The following CDC45 variants were observed in gnomAD, a reference collection of about 807,000 sequenced individuals.
CDC45 encodes cell division cycle 45.
In CDC45, 54 loss-of-function variants were observed where a neutral mutation model predicts 77.8. The ratio of observed to expected loss-of-function variants is 0.69; its 90% CI spans 0.56 to 0.87. The LOEUF is 0.87. CDC45 is among the 40% of genes least tolerant of loss of function. The pLI is 0.00. For missense variants in CDC45, 649 were observed against 721.6 expected, an observed-to-expected ratio of 0.90 and a Z score of 1.15; for synonymous variants, 260 against 272.1, an observed-to-expected ratio of 0.96 and a Z score of 0.44.
At chr22:19,516,248 G>A (rs763377970) in intron 15 of CDC45, among the ~76,000 whole-genome samples, 1 of 152,096 alleles carries the variant, frequency 6.6e-6, no homozygotes, top group Non-Finnish European at 1.5e-5. Context: ...GTGGGGCTAG[G>A]CTGGTAGACA....
intron 5 of CDC45, among the ~76,000 whole-genome samples, chr22:19,485,256 A>C (rs1380355996): frequency 1.3e-5 from 2 of 152,232 alleles, no homozygotes; most frequent in Non-Finnish European, 2.9e-5. Flanking sequence ...CACTCTGACT[A>C]ATAAACAAAT....
At chr22:19,514,313 G>A (rs1933664406) in intron 13 of CDC45, among the ~76,000 whole-genome samples, 1 of 152,208 alleles carries the variant, frequency 6.6e-6, no homozygotes, top group Admixed American at 6.5e-5. Context: ...AGGGCCCAGA[G>A]GCTTTGCTTG....
Position 19,520,475 on chromosome 22 carries a change from T to G in CDC45, c.*2-6T>G, listed in dbSNP as rs1934048958. On this transcript the variant is annotated splice_polypyrimidine_tract_variant and splice_region_variant and intron_variant, in intron 18 of 18. Transcript: ENST00000263201. This position sits in a 1 kb window ranked among gnomAD's most constrained non-coding sequence, Gnocchi z 4.5. The stretch of plus-strand genomic sequence containing the variant: ...GAAACTTGTTTTTTCTTGTTTTGTT[T>G]TCTAGAATTTGATTCTTCCAGAATG... 6.6e-6 allele frequency: 1 copy of G among 152,260 alleles called. No homozygotes were observed. The highest frequency in any genetic ancestry group is 2.4e-5 in the African/African-American group (1 of 41,466). The allele number at this position is 152,260 out of a possible 1,614,324, so 9.4% of individuals were successfully genotyped here.
At chr22:19,491,227 A>G (rs2146356569) in intron 5 of CDC45, among the ~76,000 whole-genome samples, 1 of 152,312 alleles carries the variant, frequency 6.6e-6, no homozygotes, top group Admixed American at 6.5e-5. Context: ...TTCAGTAATT[A>G]AGCATAATTA....
rs931875899 is a variant in CDC45 at position 19,520,246 on chromosome 22, C to T, written c.*2-235C>T. Among the ~76,000 whole-genome samples, 10 of 151,976 alleles carry T rather than the reference C, an allele frequency of 6.6e-5. No homozygotes were observed. The highest frequency in any genetic ancestry group is 2.1e-4 in the South Asian group (1 of 4,814). On this transcript the variant is annotated intron_variant, in intron 18 of 18. Transcript: ENST00000263201. This position sits in a 1 kb window ranked among gnomAD's most constrained non-coding sequence, Gnocchi z 4.5. Reference sequence around the variant, plus strand: ...GCTGGCTGAGCAGCTGGGCGGGGTCCGTGAGGTAAGAAGGTGCCCGGGCCA... The same window carrying T: ...GCTGGCTGAGCAGCTGGGCGGGGTCTGTGAGGTAAGAAGGTGCCCGGGCCA...
At chr22:19,514,402 C>T (rs1179196173) in intron 13 of CDC45, among the ~76,000 whole-genome samples, 1 of 152,136 alleles carries the variant, frequency 6.6e-6, no homozygotes, top group Non-Finnish European at 1.5e-5. Context: ...GAGTAAAAAT[C>T]TATCTGTTGG....
Position 19,508,557 on chromosome 22 carries a change from C to T in CDC45, c.1083C>T (p.Phe361=), listed in dbSNP as rs148464781. The change falls in exon 13 of 19, where the codon TTC becomes TTT. Residue 361 remains phenylalanine, a synonymous_variant. Transcript: ENST00000263201. ...TGAAGGACATGCGCGTGCAGACTTT[C>T]AGCATTCATTTTGGGTTCAAGCACA... ...FGMKDMRVQT[F]SIHFGFKHKF... 9.1e-5 allele frequency: 147 copies of T among 1,614,112 alleles called. No individual in the cohort carries two copies. Among genetic ancestry groups the T allele is most frequent in the Non-Finnish European group, 7.6e-6 (9 of 1,180,056 alleles).
At chr22:19,515,357 G>A (rs1382220077) in intron 15 of CDC45, among the ~76,000 whole-genome samples, 1 of 152,194 alleles carries the variant, frequency 6.6e-6, no homozygotes, top group Admixed American at 6.5e-5. Context: ...GATGGTTGTA[G>A]CACCGACTGG....
At chr22:19,516,953 G>A in intron 17 of CDC45, 60 bp downstream of exon 17, 1 of 1,395,456 alleles carries the variant, frequency 7.2e-7, no homozygotes, top group African/African-American at 1.4e-5. Context: ...GCTATTGCAG[G>A]CCCTGGAACC....
At chr22:19,499,176 C>A in intron 9 of CDC45, 25 bp downstream of exon 9, 1 of 1,612,560 alleles carries the variant, frequency 6.2e-7, no homozygotes, top group Non-Finnish European at 8.5e-7. Context: ...CCTTGCCTTG[C>A]AGGGTCAGCC....
At chr22:19,485,193 A>G (rs2090047189) in intron 5 of CDC45, among the ~76,000 whole-genome samples, 1 of 152,190 alleles carries the variant, frequency 6.6e-6, no homozygotes, top group South Asian at 2.1e-4. Context: ...GTCAGTATCC[A>G]ATGGGATTTC....
Position 19,494,551 on chromosome 22 carries a change from C to T in CDC45, c.542+169C>T, listed in dbSNP as rs2090208707. ...GTGGCCGCTGCATTGGAGAAGAGCT[C>T]CAGGTTGTTCGCCGGTCCCATGAGT... On this transcript the variant is annotated intron_variant, in intron 6 of 18. Coordinates refer to ENST00000263201, the MANE Select transcript of CDC45 (RefSeq NM_003504.5). 1.9e-6 allele frequency: 3 copies of T among 1,550,470 alleles called. No homozygotes were observed. The East Asian group carries it at 7.3e-5, about 38-fold the overall frequency.
intron 2 of CDC45, among the ~76,000 whole-genome samples, chr22:19,480,511 A>C (rs982693799): frequency 5.3e-5 from 8 of 152,088 alleles, no homozygotes; most frequent in African/African-American, 1.9e-4. Flanking sequence ...ATTTGGGGGA[A>C]ACTTTGGATC....
At chr22:19,503,364 A>G (rs370767332) in intron 9 of CDC45, among the ~76,000 whole-genome samples, 1 of 152,236 alleles carries the variant, frequency 6.6e-6, no homozygotes, top group South Asian at 2.1e-4. Flanking sequence ...TATACACACA[A>G]CAAAAATGCA....
chr22:19,487,013 G>A (rs1304889380), intron 5 of CDC45, among the ~76,000 whole-genome samples: 1 of 151,346 alleles, frequency 6.6e-6, no homozygotes, highest in African/African-American at 2.4e-5. Context: ...ATTTTTACCA[G>A]CCTGGTGTGG....
At chr22:19,518,406 T>C (rs1230806258) in intron 17 of CDC45, among the ~76,000 whole-genome samples, 1 of 152,144 alleles carries the variant, frequency 6.6e-6, no homozygotes, top group Non-Finnish European at 1.5e-5. Context: ...CTGTGAGATA[T>C]GGGCAGTTTG....
chr22:19,514,905 G>A lies in CDC45; in HGVS notation c.1356+18G>A, dbSNP rs1470065901. 6.2e-7 allele frequency: 1 copy of A among 1,614,228 alleles called. No individual in the cohort carries two copies. Among genetic ancestry groups the A allele is most frequent in the South Asian group, 1.1e-5 (1 of 91,086 alleles). On this transcript the variant is annotated intron_variant, in intron 14 of 18. Transcript: ENST00000263201. ...TCATGGAGGTCAGGCTTCCCACAGA[G>A]CACAGGCGCCTGGTCACAGCACCAG...
Position 19,494,315 on chromosome 22 carries a change from T to A in CDC45, c.487-12T>A. 1 of 1,611,682 alleles carries A rather than the reference T, an allele frequency of 6.2e-7. No homozygotes were observed. The highest frequency in any genetic ancestry group is 8.5e-7 in the Non-Finnish European group (1 of 1,179,450). ...TTTGCTCCACCTTTTGTTCTCTTTG[T>A]CCCTGTATCAGGAGATAGTGGAGCA... On this transcript the variant is annotated splice_polypyrimidine_tract_variant and intron_variant, in intron 5 of 18. Coordinates refer to ENST00000263201, the MANE Select transcript of CDC45 (RefSeq NM_003504.5).
intron 5 of CDC45, among the ~76,000 whole-genome samples, chr22:19,492,353 A>G (rs1018139065): frequency 5.3e-5 from 8 of 151,556 alleles, no homozygotes; most frequent in African/African-American, 1.9e-4. Flanking sequence ...TCTCGAGCCT[A>G]TTTGCTGAGT....
Sources: gnomAD v4.1 joint callset for allele counts (sites outside exome capture counted in the v4.1 genomes callset) on GRCh38, gnomAD v4.1.1 for gene constraint, Gnocchi (gnomAD v3.1) non-coding constraint, MANE v1.5 for transcripts, NCBI Gene and HGNC (gene_info 2026-07-23, HGNC 2026-07-21) for gene names.